MAP2: variants seen among roughly 807,000 people sequenced by gnomAD.
MAP2 encodes the protein microtubule associated protein 2.
Under a neutral mutation model 137.6 loss-of-function variants are expected in MAP2, and 14 were observed. The ratio of observed to expected loss-of-function variants is 0.10; its 90% confidence interval spans 0.07 to 0.16. MAP2 has a LOEUF of 0.16. Among genes scored for constraint, MAP2 ranks in the 10% least tolerant of loss-of-function variants. The pLI, the probability that MAP2 is intolerant of heterozygous loss-of-function variation, is 1.00. For synonymous variants in MAP2, 786 were observed against 782.3 expected (o/e 1.00, Z -0.08); for missense variants, 2,088 against 2,191.5 (o/e 0.95, Z 0.94).
intron 7 of MAP2, among the ~76,000 whole-genome samples, chr2:209,687,836 A>T (rs1282096251): frequency 1.3e-5 from 2 of 152,092 alleles, no homozygotes; most frequent in Non-Finnish European, 2.9e-5. Context: ...GTGCCTGATG[A>T]TGACCCTTAC....
chr2:209,653,091 T>A (rs2094916635), intron 4 of MAP2, 51 bp from the exon 5 acceptor site: 1 of 1,419,542 alleles, frequency 7.0e-7, no homozygotes, highest in African/African-American at 1.4e-5. Context: ...ACAACCAATA[T>A]CAGATCAGAA....
chr2:209,459,411 C>T (rs1479300371), intron 1 of MAP2, among the ~76,000 whole-genome samples: 2 of 152,072 alleles, frequency 1.3e-5, no homozygotes, highest in African/African-American at 4.8e-5. Context: ...ACTTTTTCTC[C>T]ATAACTGGGA....
At chr2:209,436,308 A>T (rs1202873636) in intron 1 of MAP2, among the ~76,000 whole-genome samples, 1 of 151,462 alleles carries the variant, frequency 6.6e-6, no homozygotes, top group Admixed American at 6.6e-5. Context: ...TGTGGTAGGG[A>T]TTGGCAAGCT....
chr2:209,544,295 T>C (rs1419228699), intron 2 of MAP2, among the ~76,000 whole-genome samples: 1 of 151,918 alleles, frequency 6.6e-6, no homozygotes, highest in Non-Finnish European at 1.5e-5. Flanking sequence ...TTGTTTTTTG[T>C]TTTTTGTCTT....
At chr2:209,560,811 T>C (rs78325429) in intron 2 of MAP2, among the ~76,000 whole-genome samples, 2,990 of 152,292 alleles carry the variant, frequency 0.02, 94 homozygotes, top group African/African-American at 0.068. Flanking sequence ...ATACTATAAA[T>C]ATGATATGGT....
intron 3 of MAP2, among the ~76,000 whole-genome samples, chr2:209,599,640 A>G (rs902319814): frequency 6.6e-6 from 1 of 152,190 alleles, no homozygotes; most frequent in African/African-American, 2.4e-5. Flanking sequence ...ACCATTTATT[A>G]CAATTGCCTT....
intron 2 of MAP2, among the ~76,000 whole-genome samples, chr2:209,511,402 A>G (rs1324367718): frequency 6.6e-6 from 1 of 152,114 alleles, no homozygotes; most frequent in Non-Finnish European, 1.5e-5. Flanking sequence ...ACCTAGTTCT[A>G]AGGGATACAT....
At chr2:209,533,048 T>A (rs773153364) in intron 2 of MAP2, among the ~76,000 whole-genome samples, 32 of 152,188 alleles carry the variant, frequency 2.1e-4, no homozygotes, top group Non-Finnish European at 4.1e-4. Flanking sequence ...AAACCAAGCC[T>A]TGAAAAATAA....
At chr2:209,528,893 C>T (rs1488866184) in intron 2 of MAP2, among the ~76,000 whole-genome samples, 10 of 135,026 alleles carry the variant, frequency 7.4e-5, no homozygotes, top group African/African-American at 2.0e-4. Flanking sequence ...TGTGTATATA[C>T]ATATATATAC....
At chr2:209,640,880 C>CTTTTTTTTTTTT (rs71043944) in intron 4 of MAP2, among the ~76,000 whole-genome samples, 1 of 137,384 alleles carries the variant, frequency 7.3e-6, no homozygotes, top group Non-Finnish European at 1.5e-5. Flanking sequence ...ATTATCTATT[C>CTTTTTTTTTTTT]TTTTTTTTTT....
intron 1 of MAP2, among the ~76,000 whole-genome samples, chr2:209,454,975 C>G (rs749767287): frequency 2.6e-4 from 40 of 152,184 alleles, no homozygotes; most frequent in Non-Finnish European, 4.4e-4. Context: ...TCTTCCTGGA[C>G]TGTAGACAGC....
chr2:209,587,317 G>A (rs905994969), intron 3 of MAP2, among the ~76,000 whole-genome samples: 9 of 152,130 alleles, frequency 5.9e-5, no homozygotes, highest in Admixed American at 4.6e-4. Context: ...AGCCCCGGGT[G>A]ACTCTGCTTA....
intron 13 of MAP2, among the ~76,000 whole-genome samples, chr2:209,718,768 A>G (rs1244026576): frequency 6.6e-6 from 1 of 152,210 alleles, no homozygotes; most frequent in East Asian, 1.9e-4. Context: ...TATTGTTTAT[A>G]TTGGATATAA....
chr2:209,551,053 A>T (rs2069074353), intron 2 of MAP2, among the ~76,000 whole-genome samples: 1 of 152,136 alleles, frequency 6.6e-6, no homozygotes, highest in Non-Finnish European at 1.5e-5. Context: ...CAGATCTCAA[A>T]CACCATCTGT....
chr2:209,531,923 T>A (rs1169946310), intron 2 of MAP2, among the ~76,000 whole-genome samples: 1 of 152,112 alleles, frequency 6.6e-6, no homozygotes, highest in Non-Finnish European at 1.5e-5. Context: ...GTTGATTTGT[T>A]TCCTCACTTT....
chr2:209,652,878 G>T (rs1034743930), intron 4 of MAP2, among the ~76,000 whole-genome samples: 9 of 151,806 alleles, frequency 5.9e-5, no homozygotes, highest in African/African-American at 1.7e-4. Context: ...GTTTTGTTTT[G>T]TTTTGTTTTT....
intron 1 of MAP2, among the ~76,000 whole-genome samples, chr2:209,476,045 G>T (rs751828315): frequency 7.2e-5 from 11 of 151,854 alleles, no homozygotes; most frequent in Non-Finnish European, 1.2e-4. Flanking sequence ...TTACTATTCT[G>T]GGAACTTCTC....
chr2:209,704,739 C>T (rs2062866667), intron 11 of MAP2: 1 of 874,476 alleles, frequency 1.1e-6, no homozygotes, highest in African/African-American at 1.7e-5. Flanking sequence ...GTGTTTGACA[C>T]ATAAACAGTA....
At chr2:209,601,386 TA>T in intron 3 of MAP2, among the ~76,000 whole-genome samples, 1 of 152,308 alleles carries the variant, frequency 6.6e-6, no homozygotes, top group East Asian at 1.9e-4. Context: ...ATTCTCTTGT[TA>T]GGCTTAACTC....
Sources: gnomAD v4.1 joint callset for allele counts (sites outside exome capture counted in the v4.1 genomes callset) on GRCh38, gnomAD v4.1.1 for gene constraint, MANE v1.5 for transcripts, NCBI Gene and HGNC (gene_info 2026-07-23, HGNC 2026-07-21) for gene names.